ATP2B1: variants seen among roughly 807,000 people sequenced by gnomAD.
ATP2B1 encodes plasma membrane calcium-transporting ATPase 1.
In ATP2B1, 14 loss-of-function variants were observed where a neutral mutation model predicts 124.2. The ratio of observed to expected loss-of-function variants is 0.11; its 90% confidence interval spans 0.07 to 0.18. The LOEUF (loss-of-function observed/expected upper bound fraction) is 0.18. ATP2B1 is among the 10% of genes least tolerant of loss of function. The pLI is 1.00. For missense variants in ATP2B1, 763 were observed against 1,466.1 expected (o/e 0.52, Z 7.83); for synonymous variants, 449 against 492.4 (o/e 0.91, Z 1.17).
intron 1 of ATP2B1, among the ~76,000 whole-genome samples, chr12:89,669,208 T>G (rs1887651045): frequency 1.3e-5 from 2 of 152,158 alleles, no homozygotes; most frequent in Non-Finnish European, 1.5e-5. Context: ...GGCAGGATGG[T>G]CTTGTTCATT....
chr12:89,632,722 T>C (rs151232687), intron 5 of ATP2B1, among the ~76,000 whole-genome samples: 8 of 152,352 alleles, frequency 5.3e-5, no homozygotes, highest in East Asian at 3.9e-4. Flanking sequence ...ATGCATGTCA[T>C]GTTTTTTAGT....
intron 2 of ATP2B1, among the ~76,000 whole-genome samples, chr12:89,644,604 G>C (rs541882500): frequency 6.6e-6 from 1 of 151,910 alleles, no homozygotes; most frequent in South Asian, 2.1e-4. Context: ...TTAAGACAGA[G>C]TCAATAGAAA....
chr12:89,627,412 A>T (rs1357452464), intron 7 of ATP2B1, among the ~76,000 whole-genome samples: 5 of 152,174 alleles, frequency 3.3e-5, no homozygotes, highest in Middle Eastern at 3.4e-3. Flanking sequence ...AAAAAAAAAA[A>T]AAAATCTGAA....
Position 89,633,301 on chromosome 12 carries a change from T to C in ATP2B1, c.787+1477A>G, listed in dbSNP as rs986463861. 1.3e-4 allele frequency among the ~76,000 whole-genome samples: 20 copies of C among 152,050 alleles called. 1 individual carries two copies. Among genetic ancestry groups the C allele is most frequent in the African/African-American group, 4.8e-4 (20 of 41,540 alleles). ...TGTGAATGTTCTTTTTTCTTTTTTT[T>C]AAATTTTATTATTATTATATTTTAA... On this transcript the variant is annotated intron_variant, in intron 5 of 20. Transcript: ENST00000428670.
intron 1 of ATP2B1, among the ~76,000 whole-genome samples, chr12:89,674,901 A>T (rs982358728): frequency 6.6e-6 from 1 of 152,234 alleles, no homozygotes; most frequent in Non-Finnish European, 1.5e-5. Context: ...TACCAAGTAA[A>T]TGTAAAATAT....
At position 89,624,302 on chromosome 12, in the gene ATP2B1, T is replaced by A; in HGVS notation, c.1225A>T (p.Thr409Ser). The A allele has an allele frequency of 6.2e-7, 1 of 1,614,202 alleles. No homozygotes were observed. Among genetic ancestry groups the A allele is most frequent in the Non-Finnish European group, 8.5e-7 (1 of 1,180,014 alleles). Residue 409 changes from threonine to serine, a missense_variant, in exon 9 of 21, where the codon ACA becomes TCA. Thr to Ser is a moderately conservative substitution (Grantham distance 58). Transcript: ENST00000428670. ...VQKRPWLAEC[T>S]PIYIQYFVKF... ...ACAAAGTATTGTATATAAATTGGTG[T>A]GCACTCAGCAAGCCATGGTCTTTTC...
chr12:89,690,580 T>A (rs537296953), intron 1 of ATP2B1, among the ~76,000 whole-genome samples: 248 of 145,780 alleles, frequency 1.7e-3, no homozygotes, highest in African/African-American at 3.5e-3. Flanking sequence ...TTGCTTTTTT[T>A]AAAAAAAAAA....
chr12:89,655,537 C>G lies in ATP2B1; in HGVS notation c.208+142G>C, dbSNP rs1040247488. 2.8e-5 allele frequency: 21 copies of G among 754,650 alleles called. No individual in the cohort carries two copies. In the Admixed American group the frequency reaches 5.6e-4, roughly 20 times the overall value. The allele number at this position is 754,650 out of a possible 1,614,324, so 46.7% of individuals were successfully genotyped here. A position where few individuals can be genotyped will look rare whatever the true frequency, so the allele number is the denominator to read the frequency against. Reference sequence around the variant, plus strand: ...ATAAAAATACTTTAACTGTATTAATCTGATAACTAACCCATTTTTAATGTC... The same window carrying G: ...ATAAAAATACTTTAACTGTATTAATGTGATAACTAACCCATTTTTAATGTC... On this transcript the variant is annotated intron_variant, in intron 2 of 20. Coordinates refer to ENST00000428670, the MANE Select transcript of ATP2B1 (RefSeq NM_001366521.1).
intron 11 of ATP2B1, 52 bp from the exon 12 acceptor site, chr12:89,617,091 A>G (rs1256440465): frequency 7.0e-7 from 1 of 1,421,408 alleles, no homozygotes; most frequent in Admixed American, 1.7e-5. Flanking sequence ...AATAATGGTT[A>G]ATGCCATTTA....
At chr12:89,678,811 ACTT>A (rs1888993644) in intron 1 of ATP2B1, among the ~76,000 whole-genome samples, 1 of 152,158 alleles carries the variant, frequency 6.6e-6, no homozygotes, top group Non-Finnish European at 1.5e-5. Context: ...TTCTCCAAGA[ACTT>A]CTCATTCGCA....
At chr12:89,625,063 AG>A (rs1209866868) in intron 8 of ATP2B1, among the ~76,000 whole-genome samples, 1 of 151,614 alleles carries the variant, frequency 6.6e-6, no homozygotes, top group Non-Finnish European at 1.5e-5. Flanking sequence ...ACCTGAGGTC[AG>A]GAATTCGAGA....
At chr12:89,663,095 A>G (rs556413403) in intron 1 of ATP2B1, among the ~76,000 whole-genome samples, 2 of 152,328 alleles carry the variant, frequency 1.3e-5, no homozygotes, top group South Asian at 4.1e-4. Flanking sequence ...CCATAAGCTA[A>G]AATAAATTTG....
intron 3 of ATP2B1, chr12:89,641,740 C>T (rs907939664): frequency 1.3e-5 from 2 of 157,760 alleles, no homozygotes; most frequent in Admixed American, 1.2e-4. Flanking sequence ...ACTTTAAGAA[C>T]TTGACAAGTA....
Position 89,655,896 on chromosome 12 carries a change from A to G in ATP2B1, c.-10T>C. 1 of 1,546,570 alleles carries G rather than the reference A, an allele frequency of 6.5e-7. No individual in the cohort carries two copies. The highest frequency in any genetic ancestry group is 8.7e-7 in the Non-Finnish European group (1 of 1,145,870). On this transcript the variant is annotated 5_prime_UTR_variant, in exon 2 of 21. Transcript: ENST00000428670. ...TTGCCATGTCGCCCATTACAAGTATAATATATCAGAAGGAAAATGTTTCCC... is the reference window on the plus strand; with the variant it reads ...TTGCCATGTCGCCCATTACAAGTATGATATATCAGAAGGAAAATGTTTCCC...
intron 1 of ATP2B1, among the ~76,000 whole-genome samples, chr12:89,694,802 A>C (rs200573228): frequency 6.6e-6 from 1 of 152,196 alleles, no homozygotes; most frequent in Non-Finnish European, 1.5e-5. Flanking sequence ...CACGCCTGTA[A>C]TCCCAGCACT....
chr12:89,666,185 A>G (rs1004684909), intron 1 of ATP2B1, among the ~76,000 whole-genome samples: 2 of 152,212 alleles, frequency 1.3e-5, no homozygotes, highest in African/African-American at 4.8e-5. Flanking sequence ...CTATTTTAAG[A>G]GGATATCAGA....
At chr12:89,598,779 CAA>C (rs1491394213) in intron 20 of ATP2B1, 1 of 1,610,158 alleles carries the variant, frequency 6.2e-7, no homozygotes, top group East Asian at 2.2e-5. Flanking sequence ...GCTTGCTCAG[CAA>C]GAGAGAGAGA....
At chr12:89,605,856 G>GT (rs1011755567) in intron 15 of ATP2B1, among the ~76,000 whole-genome samples, 130 of 152,262 alleles carry the variant, frequency 8.5e-4, no homozygotes, top group African/African-American at 3.1e-3. Context: ...GCTGAGAGAC[G>GT]TATCTCTTAG....
At chr12:89,596,832 C>T (rs771539663) in intron 20 of ATP2B1, among the ~76,000 whole-genome samples, 1 of 152,010 alleles carries the variant, frequency 6.6e-6, no homozygotes, top group Non-Finnish European at 1.5e-5. Context: ...ACTTACTTTC[C>T]ATTTCAGCTT....
Sources: gnomAD v4.1 joint callset for allele counts (sites outside exome capture counted in the v4.1 genomes callset) on GRCh38, gnomAD v4.1.1 for gene constraint, MANE v1.5 for transcripts, NCBI Gene and HGNC (gene_info 2026-07-23, HGNC 2026-07-21) for gene names.